The following KIAA1328 variants were observed in gnomAD, a reference collection of about 807,000 sequenced individuals.
KIAA1328 encodes protein hinderin.
KIAA1328 carries 52 observed loss-of-function variants against 68.1 expected under a neutral mutation model. The observed-to-expected ratio is 0.76, with a 90% CI of 0.61 to 0.96. KIAA1328 has a LOEUF of 0.96. Among genes scored for constraint, KIAA1328 ranks in the 40% least tolerant of loss-of-function variants. The pLI is 0.00. For synonymous variants in KIAA1328, 232 were observed against 239.4 expected (o/e 0.97, Z 0.28); for missense variants, 641 against 677.6 (o/e 0.95, Z 0.60).
At position 37,034,507 on chromosome 18, in the gene KIAA1328, T is replaced by A. The variant is rs2054953765; in HGVS notation, c.577-32383T>A. On this transcript the variant is annotated intron_variant, in intron 6 of 9. Transcript: ENST00000280020. ...GGCTGGGAATCAAACTTACTGGTTTTACTCTAGGTTAAGTTCCTTTGGGCA... is the reference window on the plus strand; with the variant it reads ...GGCTGGGAATCAAACTTACTGGTTTAACTCTAGGTTAAGTTCCTTTGGGCA... Among the ~76,000 whole-genome samples, 2 of 152,206 alleles carry A rather than the reference T, an allele frequency of 1.3e-5. 1 individual carries two copies. The highest frequency in any genetic ancestry group is 4.1e-4 in the South Asian group (2 of 4,832).
intron 7 of KIAA1328, among the ~76,000 whole-genome samples, chr18:37,078,435 G>A (rs1263883416): frequency 2.7e-5 from 4 of 150,706 alleles, no homozygotes; most frequent in South Asian, 2.1e-4. Context: ...ACTTCATGTC[G>A]AAAACACCAA....
chr18:37,031,710 T>G (rs2054836060), intron 6 of KIAA1328, among the ~76,000 whole-genome samples: 1 of 152,222 alleles, frequency 6.6e-6, no homozygotes, highest in Non-Finnish European at 1.5e-5. Flanking sequence ...ACCTTTTAAT[T>G]TATTTTCTAT....
At chr18:37,160,688 C>A (rs2059261094) in intron 8 of KIAA1328, among the ~76,000 whole-genome samples, 1 of 152,134 alleles carries the variant, frequency 6.6e-6, no homozygotes, top group African/African-American at 2.4e-5. Flanking sequence ...GTAAAGAGGG[C>A]AAGATATTGA....
intron 7 of KIAA1328, among the ~76,000 whole-genome samples, chr18:37,093,622 GT>G (rs2057326077): frequency 6.6e-6 from 1 of 152,138 alleles, no homozygotes; most frequent in Non-Finnish European, 1.5e-5. Context: ...ATAGAAACAA[GT>G]TAAGAAAGCC....
chr18:36,840,264 G>GT (rs760417783), intron 3 of KIAA1328, among the ~76,000 whole-genome samples: 5 of 151,916 alleles, frequency 3.3e-5, no homozygotes, highest in South Asian at 2.1e-4. Flanking sequence ...ATTGTTTCCT[G>GT]TTTTTTTGTC....
intron 6 of KIAA1328, among the ~76,000 whole-genome samples, chr18:37,040,432 T>G (rs2055200052): frequency 6.6e-6 from 1 of 152,206 alleles, no homozygotes; most frequent in African/African-American, 2.4e-5. Flanking sequence ...GTCTCCTCTT[T>G]AATTCCTGAT....
intron 5 of KIAA1328, chr18:36,901,984 A>G (rs944267024): frequency 5.3e-5 from 8 of 151,848 alleles, no homozygotes; most frequent in Admixed American, 3.3e-4. Flanking sequence ...CAGATTTTTC[A>G]TTTTTTTCTC....
At chr18:36,904,390 A>G (rs906888632) in intron 5 of KIAA1328, among the ~76,000 whole-genome samples, 3 of 152,016 alleles carry the variant, frequency 2.0e-5, no homozygotes, top group African/African-American at 7.2e-5. Context: ...TTGTCTTCTT[A>G]TATTTTGAAA....
chr18:37,128,356 C>A (rs1446008139), intron 7 of KIAA1328, among the ~76,000 whole-genome samples: 1 of 152,068 alleles, frequency 6.6e-6, no homozygotes, highest in African/African-American at 2.4e-5. Flanking sequence ...CACCTGTAAT[C>A]CCAGGTTCTC....
chr18:36,834,763 CATT>C (rs1452962196), intron 2 of KIAA1328, among the ~76,000 whole-genome samples: 2 of 152,172 alleles, frequency 1.3e-5, no homozygotes, highest in Non-Finnish European at 2.9e-5. Context: ...AAGGCACCCT[CATT>C]ATATAGGGTG....
intron 7 of KIAA1328, among the ~76,000 whole-genome samples, chr18:37,139,306 A>T (rs1282891170): frequency 6.6e-6 from 1 of 152,102 alleles, no homozygotes; most frequent in Non-Finnish European, 1.5e-5. Flanking sequence ...ATTTTTGTTC[A>T]TTCACAGGTC....
chr18:37,198,135 G>A (rs1163847928), intron 9 of KIAA1328, among the ~76,000 whole-genome samples: 1 of 152,166 alleles, frequency 6.6e-6, no homozygotes, highest in East Asian at 1.9e-4. Flanking sequence ...AGGCCAATCT[G>A]TGGAGACAGT....
Position 36,892,145 on chromosome 18 carries a change from G to A in KIAA1328, c.448+6473G>A, listed in dbSNP as rs532193695. ...CCATCATCTGTTAGACTTTTAACAAGGATAGGAACCATACTGCAGGAAGCT... is the reference window on the plus strand; with the variant it reads ...CCATCATCTGTTAGACTTTTAACAAAGATAGGAACCATACTGCAGGAAGCT... On this transcript the variant is annotated intron_variant, in intron 5 of 9. Transcript: ENST00000280020. 7.4e-4 allele frequency among the ~76,000 whole-genome samples: 112 copies of A among 151,942 alleles called. 1 individual carries two copies. Among genetic ancestry groups the A allele is most frequent in the African/African-American group, 2.5e-3 (102 of 41,422 alleles).
At chr18:36,838,417 T>C (rs1290962812) in intron 3 of KIAA1328, among the ~76,000 whole-genome samples, 4 of 152,228 alleles carry the variant, frequency 2.6e-5, no homozygotes, top group Non-Finnish European at 5.9e-5. Context: ...GTATCCAGAT[T>C]TCCTAAAAGA....
intron 6 of KIAA1328, among the ~76,000 whole-genome samples, chr18:37,062,285 C>T (rs1445793358): frequency 1.3e-5 from 2 of 151,126 alleles, no homozygotes; most frequent in East Asian, 1.9e-4. Flanking sequence ...TTCTCCCCCA[C>T]CTCATCTACA....
At chr18:37,129,033 C>T in intron 7 of KIAA1328, among the ~76,000 whole-genome samples, 1 of 152,066 alleles carries the variant, frequency 6.6e-6, no homozygotes, top group East Asian at 1.9e-4. Flanking sequence ...GCAAAGGGAC[C>T]TAAGGGCACT....
chr18:36,855,281 CA>C (rs1489665108), intron 4 of KIAA1328, among the ~76,000 whole-genome samples: 1 of 152,126 alleles, frequency 6.6e-6, no homozygotes, highest in East Asian at 1.9e-4. Flanking sequence ...CATCAATGTA[CA>C]AGGATTCTGG....
chr18:36,934,634 C>T (rs1198040235), intron 5 of KIAA1328, among the ~76,000 whole-genome samples: 1 of 152,144 alleles, frequency 6.6e-6, no homozygotes, highest in East Asian at 1.9e-4. Context: ...TTTGGTCTCC[C>T]TCAGTGGGAG....
chr18:36,918,540 G>A (rs2049798807), intron 5 of KIAA1328, among the ~76,000 whole-genome samples: 1 of 151,330 alleles, frequency 6.6e-6, no homozygotes, highest in African/African-American at 2.4e-5. Flanking sequence ...AGCCTCCCAA[G>A]TAGCTGTGAT....
Sources: allele counts gnomAD v4.1 joint callset (sites outside exome capture counted in the v4.1 genomes callset), GRCh38; gene constraint gnomAD v4.1.1; transcripts MANE v1.5; gene names NCBI Gene and HGNC (gene_info 2026-07-23, HGNC 2026-07-21).